Variants in RSU1 observed in about 807,000 individuals in gnomAD.
RSU1 encodes the protein Ras suppressor protein 1, also known as rsu-1.
In RSU1, 26 loss-of-function variants were observed where a neutral mutation model predicts 31.1. The ratio of observed to expected loss-of-function variants is 0.84; its 90% confidence interval spans 0.61 to 1.16. The LOEUF is 1.16. Ranked by LOEUF, RSU1 falls within the 50% of genes most tolerant of loss-of-function variation. RSU1 has a pLI of 0.00. For missense variants in RSU1, 320 were observed against 339.1 expected (o/e 0.94, Z 0.44); for synonymous variants, 164 against 136.3 (o/e 1.20, Z -1.41).
intron 7 of RSU1, chr10:16,727,265 T>C (rs1198037544): frequency 2.6e-6 from 1 of 381,654 alleles, no homozygotes; most frequent in Non-Finnish European, 5.4e-6. Context: ...AGGAGATAAC[T>C]TGATTGGAGG....
intron 8 of RSU1, among the ~76,000 whole-genome samples, chr10:16,667,563 C>T (rs544526770): frequency 6.6e-6 from 1 of 152,118 alleles, no homozygotes; most frequent in Admixed American, 6.5e-5. Flanking sequence ...TCTTGGCTCA[C>T]TGCAACCTTT....
intron 2 of RSU1, among the ~76,000 whole-genome samples, chr10:16,791,717 G>A (rs7917705): frequency 1.3e-5 from 2 of 152,050 alleles, no homozygotes; most frequent in Non-Finnish European, 2.9e-5. Flanking sequence ...ATGGAAGCAG[G>A]TATCAGTATT....
chr10:16,706,532 T>C (rs556869321), intron 7 of RSU1, among the ~76,000 whole-genome samples: 1 of 152,300 alleles, frequency 6.6e-6, no homozygotes, highest in East Asian at 1.9e-4. Context: ...TTTACAAATA[T>C]TTTCTCTCAT....
At chr10:16,763,215 A>G (rs1837244472) in intron 4 of RSU1, among the ~76,000 whole-genome samples, 1 of 152,100 alleles carries the variant, frequency 6.6e-6, no homozygotes, top group South Asian at 2.1e-4. Context: ...GGGTCTATGG[A>G]TCTATTTGTC....
At chr10:16,666,577 G>C (rs949988058) in intron 8 of RSU1, among the ~76,000 whole-genome samples, 1 of 152,056 alleles carries the variant, frequency 6.6e-6, no homozygotes, top group Admixed American at 6.6e-5. Context: ...TTGCACTAAA[G>C]TATTTAAAAA....
chr10:16,802,192 CA>C (rs61697827), intron 2 of RSU1, among the ~76,000 whole-genome samples: 41,051 of 113,966 alleles, frequency 0.36, 7,151 homozygotes, highest in African/African-American at 0.57. Flanking sequence ...GGAGGCTAAC[CA>C]AAAAAAAAAA....
intron 8 of RSU1, among the ~76,000 whole-genome samples, chr10:16,683,987 G>C (rs1564315847): frequency 6.6e-6 from 1 of 152,196 alleles, no homozygotes; most frequent in African/African-American, 2.4e-5. Flanking sequence ...TAAGATAAAA[G>C]ATTGTGGAGA....
At chr10:16,741,659 A>C (rs1257772094) in intron 7 of RSU1, among the ~76,000 whole-genome samples, 1 of 152,200 alleles carries the variant, frequency 6.6e-6, no homozygotes, top group Non-Finnish European at 1.5e-5. Context: ...GATGGGCCTT[A>C]AATATTCCTA....
intron 8 of RSU1, among the ~76,000 whole-genome samples, chr10:16,615,905 G>A (rs1037757543): frequency 1.3e-5 from 2 of 152,154 alleles, no homozygotes; most frequent in African/African-American, 4.8e-5. Context: ...AGCACTAAAT[G>A]CCCACATCAG....
At chr10:16,763,200 G>A (rs1837244136) in intron 4 of RSU1, among the ~76,000 whole-genome samples, 4 of 152,124 alleles carry the variant, frequency 2.6e-5, no homozygotes, top group Non-Finnish European at 4.4e-5. Flanking sequence ...CCGCAGTTCC[G>A]GTTGGGGTCT....
At chr10:16,645,878 G>A (rs1430807749) in intron 8 of RSU1, among the ~76,000 whole-genome samples, 3 of 107,672 alleles carry the variant, frequency 2.8e-5, no homozygotes, top group Non-Finnish European at 5.1e-5. Flanking sequence ...ATACATATAT[G>A]TGTATATACA....
chr10:16,600,077 C>T (rs903771591), intron 8 of RSU1, among the ~76,000 whole-genome samples: 3 of 152,170 alleles, frequency 2.0e-5, no homozygotes, highest in Non-Finnish European at 1.5e-5. Flanking sequence ...AGAAACCGCA[C>T]TCTGAAGTGA....
chr10:16,639,859 C>A lies in RSU1; in HGVS notation c.732-46363G>T, dbSNP rs1422953303. ...ATTCAAGCGGACATTTGGTTTAGCA[C>A]CTAGAAACAACCCAGCCAGCTCATG... On this transcript the variant is annotated intron_variant, in intron 8 of 8. Transcript: ENST00000345264. Among the ~76,000 whole-genome samples, 4 of 152,306 alleles carry A rather than the reference C, an allele frequency of 2.6e-5. No homozygotes were observed. The East Asian group carries it at 5.8e-4, about 22-fold the overall frequency.
At chr10:16,798,002 T>C (rs1006489686) in intron 2 of RSU1, among the ~76,000 whole-genome samples, 3 of 151,814 alleles carry the variant, frequency 2.0e-5, no homozygotes, top group East Asian at 1.9e-4. Flanking sequence ...GCTGGGATTA[T>C]AGGTGCCCAC....
intron 8 of RSU1, among the ~76,000 whole-genome samples, chr10:16,615,307 A>C (rs1833957172): frequency 6.6e-6 from 1 of 152,236 alleles, no homozygotes; most frequent in African/African-American, 2.4e-5. Flanking sequence ...ATAATGGTAA[A>C]GGGATCAATG....
intron 2 of RSU1, among the ~76,000 whole-genome samples, chr10:16,809,657 A>T (rs1796074503): frequency 1.3e-5 from 2 of 151,566 alleles, no homozygotes; most frequent in South Asian, 4.2e-4. Flanking sequence ...ACGCTGAATT[A>T]AAAAAAAAGT....
At chr10:16,645,437 T>G (rs983912596) in intron 8 of RSU1, among the ~76,000 whole-genome samples, 7 of 150,006 alleles carry the variant, frequency 4.7e-5, no homozygotes, top group Non-Finnish European at 1.0e-4. Context: ...AAAATAAACT[T>G]TTCCAAAAGA....
intron 8 of RSU1, among the ~76,000 whole-genome samples, chr10:16,650,782 C>T (rs555857822): frequency 6.6e-6 from 1 of 151,952 alleles, no homozygotes; most frequent in African/African-American, 2.4e-5. Context: ...GAGGTTTCAC[C>T]GTGTTAACCA....
intron 2 of RSU1, among the ~76,000 whole-genome samples, chr10:16,783,597 T>A (rs34881937): frequency 2.0e-5 from 3 of 151,740 alleles, no homozygotes; most frequent in Non-Finnish European, 1.5e-5. Flanking sequence ...TTCATGATCC[T>A]CCCACCTTGG....
Sources: gnomAD v4.1 joint callset for allele counts (sites outside exome capture counted in the v4.1 genomes callset) on GRCh38, gnomAD v4.1.1 for gene constraint, MANE v1.5 for transcripts, NCBI Gene and HGNC (gene_info 2026-07-23, HGNC 2026-07-21) for gene names.